XXYLT1: variants seen among roughly 807,000 people sequenced by gnomAD.
The protein encoded by XXYLT1 is UDP-xylose:alpha-xyloside alpha-1,3-xylosyltransferase.
In XXYLT1, 20 loss-of-function variants were observed where a neutral mutation model predicts 28.9. That is an observed-to-expected ratio of 0.69 (90% CI 0.49 to 1.00). The LOEUF (loss-of-function observed/expected upper bound fraction) is 1.00. Ranked by LOEUF, XXYLT1 falls within the 50% of genes least tolerant of loss-of-function variation. The pLI is 0.00. For missense variants in XXYLT1, 542 were observed against 560.1 expected (o/e 0.97, Z 0.33); for synonymous variants, 257 against 253.8 (o/e 1.01, Z -0.12).
At chr3:195,172,111 T>C (rs1721436070) in intron 2 of XXYLT1, among the ~76,000 whole-genome samples, 1 of 152,188 alleles carries the variant, frequency 6.6e-6, no homozygotes, top group African/African-American at 2.4e-5. Flanking sequence ...TCATGATGGT[T>C]GGTAACTTTA....
chr3:195,074,172 G>A (rs1714987493), intron 3 of XXYLT1, among the ~76,000 whole-genome samples: 1 of 152,210 alleles, frequency 6.6e-6, no homozygotes, highest in African/African-American at 2.4e-5. Flanking sequence ...ATGGGAAAAT[G>A]CTGAGCCTGG....
intron 3 of XXYLT1, among the ~76,000 whole-genome samples, chr3:195,087,991 G>A (rs1054649405): frequency 6.6e-6 from 1 of 152,028 alleles, no homozygotes; most frequent in Non-Finnish European, 1.5e-5. Flanking sequence ...CTTAAAAAAC[G>A]GCGCACCACG....
rs1318278509 is a variant in XXYLT1, at chr3:195,069,673, C to T, written c.*42G>A. 2 of 1,571,242 alleles carry T rather than the reference C, an allele frequency of 1.3e-6. No homozygotes were observed. The highest frequency in any genetic ancestry group is 1.7e-6 in the Non-Finnish European group (2 of 1,162,568). On this transcript the variant is annotated 3_prime_UTR_variant, in exon 4 of 4. Coordinates refer to ENST00000310380, the MANE Select transcript of XXYLT1 (RefSeq NM_152531.5). ...GTCTGTCCCAAGGAACCCTGTCCTTCCCCCAGATCTGGAGGCCCCGGGGGC... is the reference window on the plus strand; with the variant it reads ...GTCTGTCCCAAGGAACCCTGTCCTTTCCCCAGATCTGGAGGCCCCGGGGGC...
chr3:195,191,565 G>A (rs1377090360), intron 2 of XXYLT1, among the ~76,000 whole-genome samples: 1 of 152,120 alleles, frequency 6.6e-6, no homozygotes, highest in East Asian at 1.9e-4. Context: ...AAGTTATGGG[G>A]GGTTGGCACC....
At chr3:195,137,789 C>T (rs1460961816) in intron 3 of XXYLT1, among the ~76,000 whole-genome samples, 1 of 152,198 alleles carries the variant, frequency 6.6e-6, no homozygotes, top group Non-Finnish European at 1.5e-5. Flanking sequence ...ATTGTATTCT[C>T]AGCTACTTAC....
rs1577204581 is a variant in XXYLT1 at position 195,256,923 on chromosome 3, G to A, written c.504+13632C>T. ...ACCTTCCCAGGGCTCTCAGGTAAGG[G>A]AGACAAGTGAAGCCCCTTGTACCTC... On this transcript the variant is annotated intron_variant, in intron 1 of 3. Transcript: ENST00000310380. This position sits in a 1 kb window ranked among gnomAD's most constrained non-coding sequence, Gnocchi z 4.2. Among the ~76,000 whole-genome samples, 1 of 152,184 alleles carries A rather than the reference G, an allele frequency of 6.6e-6. No individual in the cohort carries two copies. The highest frequency in any genetic ancestry group is 1.9e-4 in the East Asian group (1 of 5,186).
chr3:195,270,946 A>G lies in XXYLT1; in HGVS notation c.113T>C (p.Phe38Ser). 6.7e-7 allele frequency: 1 copy of G among 1,488,536 alleles called. No individual in the cohort carries two copies. The highest frequency in any genetic ancestry group is 8.9e-7 in the Non-Finnish European group (1 of 1,121,694). 92.2% of individuals were successfully genotyped at this position (1,488,536 alleles called of 1,614,324 possible). The change falls in exon 1 of 4, where the codon TTC (phenylalanine) becomes TCC (serine). Residue 38 changes from phenylalanine (F) to serine (S), a missense_variant. Phe to Ser is a radical substitution (Grantham distance 155, BLOSUM62 -2). Transcript: ENST00000310380. ...CTCCCGGCCTGAGCCGAGGTAGTAG[A>G]AGGCGCAGACGGCCAGCGCCGCGGC... ...LLAAALAVCA[F>S]YYLGSGRETF...
intron 3 of XXYLT1, among the ~76,000 whole-genome samples, chr3:195,092,903 T>C (rs1278627122): frequency 9.0e-6 from 1 of 110,864 alleles, no homozygotes; most frequent in Non-Finnish European, 1.7e-5. Flanking sequence ...AGAAGACATT[T>C]ATGCAGCCAA....
intron 3 of XXYLT1, among the ~76,000 whole-genome samples, chr3:195,142,366 T>A (rs1437303690): frequency 2.6e-5 from 4 of 152,248 alleles, no homozygotes; most frequent in Non-Finnish European, 4.4e-5. Context: ...CAGGGTCTCA[T>A]TCAGACTGCT....
intron 1 of XXYLT1, among the ~76,000 whole-genome samples, chr3:195,264,177 C>T (rs570692781): frequency 1.2e-4 from 18 of 152,300 alleles, no homozygotes; most frequent in Admixed American, 8.5e-4. Context: ...ACTGCTTGCC[C>T]GCTCTATCAT....
intron 3 of XXYLT1, among the ~76,000 whole-genome samples, chr3:195,087,640 A>G (rs571176362): frequency 6.6e-6 from 1 of 152,356 alleles, no homozygotes; most frequent in Admixed American, 6.5e-5. Flanking sequence ...TTTAACAGCC[A>G]GATCAAAGCG....
intron 1 of XXYLT1, among the ~76,000 whole-genome samples, chr3:195,242,447 C>T (rs1360088391): frequency 1.3e-5 from 2 of 152,152 alleles, no homozygotes; most frequent in African/African-American, 4.8e-5. Flanking sequence ...ACTGGAGCAA[C>T]ACCAGGGTTC....
intron 3 of XXYLT1, among the ~76,000 whole-genome samples, chr3:195,109,646 GGTGTAT>G (rs1432639691): frequency 5.5e-5 from 8 of 146,416 alleles, no homozygotes; most frequent in African/African-American, 2.0e-4. Flanking sequence ...TGGTGTGTGT[GGTGTAT>G]GTGTGCGTGT....
chr3:195,199,479 T>C (rs1176430331), intron 2 of XXYLT1, among the ~76,000 whole-genome samples: 5 of 151,940 alleles, frequency 3.3e-5, no homozygotes, highest in African/African-American at 2.4e-5. Flanking sequence ...GGCATGGTGG[T>C]GGGCGCCTGT....
Position 195,077,903 on chromosome 3 carries a change from C to T in XXYLT1, c.786-7792G>A, listed in dbSNP as rs754778430. 4.6e-5 allele frequency among the ~76,000 whole-genome samples: 7 copies of T among 152,292 alleles called. No individual in the cohort carries two copies. The highest frequency in any genetic ancestry group is 2.6e-4 in the Admixed American group (4 of 15,300). ...CCAGCCTGCCTGGGGTTGTCAGTCACGTGACCTTCCCCCAGCATCTGCAGC... is the reference window on the plus strand; with the variant it reads ...CCAGCCTGCCTGGGGTTGTCAGTCATGTGACCTTCCCCCAGCATCTGCAGC... On this transcript the variant is annotated intron_variant, in intron 3 of 3. Transcript: ENST00000310380. This position sits in a 1 kb window ranked among gnomAD's most constrained non-coding sequence, Gnocchi z 4.8.
chr3:195,143,880 A>T (rs1187458851), intron 3 of XXYLT1, among the ~76,000 whole-genome samples: 53 of 117,844 alleles, frequency 4.5e-4, no homozygotes, highest in African/African-American at 1.3e-3. Flanking sequence ...AGATATATAT[A>T]TATATATATT....
intron 1 of XXYLT1, among the ~76,000 whole-genome samples, chr3:195,230,854 G>T (rs1724269955): frequency 6.6e-6 from 1 of 152,070 alleles, no homozygotes; most frequent in African/African-American, 2.4e-5. Context: ...GATAGCTTTG[G>T]CTATTCTGGG....
chr3:195,088,413 C>G (rs886452641), intron 3 of XXYLT1, among the ~76,000 whole-genome samples: 2 of 145,882 alleles, frequency 1.4e-5, no homozygotes, highest in Non-Finnish European at 3.1e-5. Context: ...AGGCACCCCC[C>G]AGCGGGGCAC....
At chr3:195,119,755 C>T (rs145127222) in intron 3 of XXYLT1, among the ~76,000 whole-genome samples, 8 of 152,314 alleles carry the variant, frequency 5.3e-5, no homozygotes, top group Non-Finnish European at 7.3e-5. Context: ...GCACAAACAT[C>T]ACAAACATCT....
Sources: gnomAD v4.1 joint callset for allele counts (sites outside exome capture counted in the v4.1 genomes callset) on GRCh38, gnomAD v4.1.1 for gene constraint, Gnocchi (gnomAD v3.1) non-coding constraint, MANE v1.5 for transcripts, NCBI Gene and HGNC (gene_info 2026-07-23, HGNC 2026-07-21) for gene names.